CSTF3: variants seen among roughly 807,000 people sequenced by gnomAD.
CSTF3 encodes the protein CF-1 77 kDa subunit.
Under a neutral mutation model 105.8 loss-of-function variants are expected in CSTF3, and 29 were observed. The ratio of observed to expected loss-of-function variants is 0.27; its 90% CI spans 0.20 to 0.37. The LOEUF (loss-of-function observed/expected upper bound fraction) is 0.37, where lower values mean the gene tolerates loss of function less well. Among genes scored for constraint, CSTF3 ranks in the 10% least tolerant of loss-of-function variants. The pLI is 1.00. For missense variants in CSTF3, 357 were observed against 879.3 expected (o/e 0.41, Z 7.51); for synonymous variants, 252 against 281.9 (o/e 0.89, Z 1.06).
chr11:33,137,416 T>C lies in CSTF3; in HGVS notation c.225+4251A>G, dbSNP rs536179325. Among the ~76,000 whole-genome samples, 54 of 151,974 alleles carry C rather than the reference T, an allele frequency of 3.6e-4. No homozygotes were observed. In the South Asian group the frequency reaches 0.011, roughly 30 times the overall value. ...GGAAAAAATGTATAGACCATGTTAG[T>C]AGAAGTGACAGCATCTAAACATCTC... On this transcript the variant is annotated intron_variant, in intron 3 of 20. Transcript: ENST00000323959.
In CSTF3 at chr11:33,108,011, A is replaced by G. The variant is rs756447147; in HGVS notation, c.259-11T>C. On this transcript the variant is annotated splice_polypyrimidine_tract_variant and intron_variant, in intron 4 of 20. Transcript: ENST00000323959. ...GCATCTCTGAAATAGCTTTAAATAC[A>G]AGAATATATTATCAGAATCCAGTTA... 63 of 1,507,736 alleles carry G rather than the reference A, an allele frequency of 4.2e-5. No individual in the cohort carries two copies. Among genetic ancestry groups the G allele is most frequent in the Admixed American group, 5.4e-5 (3 of 55,418 alleles). The allele number at this position is 1,507,736 out of a possible 1,614,324, so 93.4% of individuals were successfully genotyped here. A position where few individuals can be genotyped will look rare whatever the true frequency, so the allele number is the denominator to read the frequency against.
chr11:33,087,150 G>T lies in CSTF3; in HGVS notation c.1642-9C>A, dbSNP rs1272866348. 6.2e-7 allele frequency: 1 copy of T among 1,613,758 alleles called. No individual in the cohort carries two copies. Among genetic ancestry groups the T allele is most frequent in the Non-Finnish European group, 8.5e-7 (1 of 1,179,838 alleles). ...TTAGCACGGGAGACATCCTGAAAAT[G>T]CAGAACAGAAGAATCCTAAACCTGA... On this transcript the variant is annotated splice_polypyrimidine_tract_variant and intron_variant, in intron 17 of 20. Coordinates refer to ENST00000323959, the MANE Select transcript of CSTF3 (RefSeq NM_001326.3).
chr11:33,151,996 G>A (rs1382327591), intron 1 of CSTF3, among the ~76,000 whole-genome samples: 1 of 152,142 alleles, frequency 6.6e-6, no homozygotes, highest in Non-Finnish European at 1.5e-5. Flanking sequence ...ATCTTCTTTG[G>A]AGAAATGTCT....
chr11:33,160,321 C>T (rs554324013), intron 1 of CSTF3, among the ~76,000 whole-genome samples: 1 of 152,294 alleles, frequency 6.6e-6, no homozygotes, highest in East Asian at 1.9e-4. Flanking sequence ...TGCCTCATCT[C>T]TGCCAACCTC....
intron 3 of CSTF3, among the ~76,000 whole-genome samples, chr11:33,133,507 T>A (rs1389441401): frequency 6.6e-6 from 1 of 152,226 alleles, no homozygotes; most frequent in Non-Finnish European, 1.5e-5. Context: ...ATGACCATTT[T>A]GGTGGCTTTT....
At chr11:33,125,400 T>C (rs1855532451) in intron 3 of CSTF3, among the ~76,000 whole-genome samples, 1 of 152,200 alleles carries the variant, frequency 6.6e-6, no homozygotes, top group African/African-American at 2.4e-5. Context: ...CTCTGAGGCG[T>C]AGGAAGAAGG....
At chr11:33,097,830 T>G (rs921498478) in intron 13 of CSTF3, among the ~76,000 whole-genome samples, 4 of 152,342 alleles carry the variant, frequency 2.6e-5, no homozygotes, top group African/African-American at 9.6e-5. Flanking sequence ...TTTTGTTTAG[T>G]GAACAAATGA....
At chr11:33,108,677 C>A (rs1214827537) in intron 3 of CSTF3, among the ~76,000 whole-genome samples, 3 of 152,096 alleles carry the variant, frequency 2.0e-5, no homozygotes, top group Non-Finnish European at 2.9e-5. Context: ...CTGTAAAAGT[C>A]ATGAGATGAA....
At position 33,097,361 on chromosome 11, in the gene CSTF3, C is replaced by T. The variant is rs1454257132; in HGVS notation, c.1129-383G>A. 2.0e-5 allele frequency among the ~76,000 whole-genome samples: 3 copies of T among 152,040 alleles called. No individual in the cohort carries two copies. The East Asian group carries it at 5.8e-4, about 29-fold the overall frequency. Reference sequence around the variant, plus strand: ...CTCAAGGGTTGGTTTAATACAAGCACGTCTTACAATACATGTTTTTTTTTT... The same window carrying T: ...CTCAAGGGTTGGTTTAATACAAGCATGTCTTACAATACATGTTTTTTTTTT... On this transcript the variant is annotated intron_variant, in intron 13 of 20. Transcript: ENST00000323959.
intron 3 of CSTF3, among the ~76,000 whole-genome samples, chr11:33,110,004 G>A (rs115166939): frequency 0.01 from 1,539 of 152,208 alleles, 23 homozygotes; most frequent in African/African-American, 0.034. Context: ...CATACATAAC[G>A]GTTTTAGACT....
At chr11:33,131,359 CCTAATA>C (rs1461267653) in intron 3 of CSTF3, among the ~76,000 whole-genome samples, 1 of 152,060 alleles carries the variant, frequency 6.6e-6, no homozygotes, top group Non-Finnish European at 1.5e-5. Context: ...TATTGATAGA[CCTAATA>C]CTGAGACAGC....
intron 3 of CSTF3, among the ~76,000 whole-genome samples, chr11:33,113,100 G>A (rs748442950): frequency 5.3e-5 from 8 of 151,932 alleles, no homozygotes; most frequent in Admixed American, 1.3e-4. Flanking sequence ...CCAGCTACTC[G>A]GGAGGCTGAG....
At chr11:33,146,631 A>AG (rs1362159080) in intron 1 of CSTF3, among the ~76,000 whole-genome samples, 2 of 151,762 alleles carry the variant, frequency 1.3e-5, no homozygotes, top group African/African-American at 4.8e-5. Flanking sequence ...CTTAAAAAAA[A>AG]AAAAAGGCAT....
intron 3 of CSTF3, among the ~76,000 whole-genome samples, chr11:33,123,055 GA>G (rs995310900): frequency 6.6e-6 from 1 of 151,278 alleles, no homozygotes; most frequent in African/African-American, 2.4e-5. Flanking sequence ...CTGACAATGA[GA>G]AAAACAGGTA....
chr11:33,159,595 CAAAAAAAA>C (rs71034656), intron 1 of CSTF3, among the ~76,000 whole-genome samples: 17 of 37,958 alleles, frequency 4.5e-4, no homozygotes, highest in East Asian at 2.5e-3. Context: ...GGCTCCATCT[CAAAAAAAA>C]AAAAAAAAAA....
At chr11:33,105,471 A>T (rs1009953863) in intron 8 of CSTF3, 96 bp downstream of exon 8, 27 of 1,185,970 alleles carry the variant, frequency 2.3e-5, no homozygotes, top group Non-Finnish European at 3.2e-5. Flanking sequence ...AAAAAAGTGT[A>T]ACACTGATAC....
At chr11:33,086,062 G>A (rs1855102257) in intron 18 of CSTF3, 73 bp from the exon 19 acceptor site, 1 of 942,030 alleles carries the variant, frequency 1.1e-6, no homozygotes, top group East Asian at 2.8e-5. Flanking sequence ...CAAGTGACTT[G>A]CACATAAAGA....
intron 10 of CSTF3, among the ~76,000 whole-genome samples, chr11:33,101,803 G>A (rs1855284318): frequency 1.3e-5 from 2 of 152,054 alleles, no homozygotes; most frequent in South Asian, 2.1e-4. Flanking sequence ...TGGCAGATGA[G>A]GACTTTATAA....
At chr11:33,156,253 A>G (rs1849864311) in intron 1 of CSTF3, among the ~76,000 whole-genome samples, 1 of 152,194 alleles carries the variant, frequency 6.6e-6, no homozygotes, top group African/African-American at 2.4e-5. Context: ...AAGATTTTGG[A>G]AAAAATAAAT....
Sources: gnomAD v4.1 joint callset for allele counts (sites outside exome capture counted in the v4.1 genomes callset) on GRCh38, gnomAD v4.1.1 for gene constraint, MANE v1.5 for transcripts, NCBI Gene and HGNC (gene_info 2026-07-23, HGNC 2026-07-21) for gene names.